CELF2: variants seen among roughly 807,000 people sequenced by gnomAD.
CELF2 encodes the protein CUG triplet repeat RNA-binding protein 2.
In CELF2, 8 loss-of-function variants were observed where a neutral mutation model predicts 62.6. That is an observed-to-expected ratio of 0.13 (90% CI 0.07 to 0.23). The LOEUF (loss-of-function observed/expected upper bound fraction) is 0.23, where lower values mean the gene tolerates loss of function less well. CELF2 is among the 10% of genes least tolerant of loss of function. The pLI is 1.00. For synonymous variants in CELF2, 258 were observed against 250.0 expected, an observed-to-expected ratio of 1.03 and a Z score of -0.30; for missense variants, 333 against 671.0, an observed-to-expected ratio of 0.50 and a Z score of 5.56.
chr10:10,588,627 T>A, the CELF2 span, among the ~76,000 whole-genome samples: 1 of 152,176 alleles, frequency 6.6e-6, no homozygotes, highest in African/African-American at 2.4e-5. Context: ...TGACTCAAGT[T>A]TGTTCCTGAT....
chr10:11,155,831 G>T (rs2064260058), intron 1 of CELF2, among the ~76,000 whole-genome samples: 1 of 152,150 alleles, frequency 6.6e-6, no homozygotes, highest in South Asian at 2.1e-4. Context: ...CACACTGCTG[G>T]CTGCCTTCCT....
At chr10:10,797,401 A>G (rs1046039290), upstream of CELF2, among the ~76,000 whole-genome samples, 1 of 152,092 alleles carries the variant, frequency 6.6e-6, no homozygotes, top group African/African-American at 2.4e-5. Context: ...AGAGAAAAAA[A>G]AAAAAGACCT....
the CELF2 span, among the ~76,000 whole-genome samples, chr10:10,683,719 A>G: frequency 1.3e-5 from 2 of 152,216 alleles, no homozygotes; most frequent in African/African-American, 4.8e-5. Context: ...TGTAATGTAG[A>G]TCATATATGA....
At chr10:10,946,762 G>A (rs966159793) in intron 2 of CELF2, 1 of 152,156 alleles carries the variant, frequency 6.6e-6, no homozygotes, top group Non-Finnish European at 1.5e-5. Context: ...GAGGTATAGA[G>A]AAGTATGAAC....
At chr10:11,038,118 G>A (rs925814252) in intron 1 of CELF2, among the ~76,000 whole-genome samples, 1 of 152,182 alleles carries the variant, frequency 6.6e-6, no homozygotes, top group Non-Finnish European at 1.5e-5. Context: ...GCTGAAGCTC[G>A]CATGAGAAAT....
the CELF2 span, among the ~76,000 whole-genome samples, chr10:10,719,794 G>A: frequency 6.6e-6 from 1 of 152,118 alleles, no homozygotes; most frequent in African/African-American, 2.4e-5. Context: ...GCTCAATAGA[G>A]GTAAAACCAT....
intron 2 of CELF2, among the ~76,000 whole-genome samples, chr10:10,942,909 T>A (rs1198507262): frequency 6.6e-6 from 1 of 152,218 alleles, no homozygotes; most frequent in East Asian, 1.9e-4. Flanking sequence ...ATTTCTTGGA[T>A]AATTGGCAAC....
rs2096041433 is a variant in CELF2 at position 11,332,292 on chromosome 10, GTTTTGT to G, written c.*3242_*3247del. The G allele has an allele frequency of 6.6e-6, 1 of 152,138 alleles. No individual in the cohort carries two copies. Among genetic ancestry groups the G allele is most frequent in the African/African-American group, 2.4e-5 (1 of 41,422 alleles). The allele number at this position is 152,138 out of a possible 1,614,324, so 9.4% of individuals were successfully genotyped here. A position where few individuals can be genotyped will look rare whatever the true frequency, so the allele number is the denominator to read the frequency against. On this transcript the variant is annotated 3_prime_UTR_variant, in exon 13 of 13. Coordinates refer to ENST00000633077, the MANE Select transcript of CELF2 (RefSeq NM_001326342.2). ...TTGTGGCAGGACAGTCTCTTGAGGG[GTTTTGT>G]TTCTGTTTCCTAAATACTCCTAAAT...
chr10:10,717,518 A>G, the CELF2 span, among the ~76,000 whole-genome samples: 1 of 152,188 alleles, frequency 6.6e-6, no homozygotes, highest in Non-Finnish European at 1.5e-5. Flanking sequence ...ATAAATTTAT[A>G]TTTAGTTCTC....
intron 2 of CELF2, among the ~76,000 whole-genome samples, chr10:11,174,253 A>G (rs1596614981): frequency 6.6e-6 from 1 of 152,190 alleles, no homozygotes; most frequent in African/African-American, 2.4e-5. Context: ...AATCACATAG[A>G]CAAACACACA....
chr10:11,265,148 A>G (rs2081850343), intron 5 of CELF2, among the ~76,000 whole-genome samples: 1 of 152,234 alleles, frequency 6.6e-6, no homozygotes, highest in African/African-American at 2.4e-5. Flanking sequence ...AAAAGAAGAA[A>G]ATATATTTTA....
intron 1 of CELF2, among the ~76,000 whole-genome samples, chr10:11,106,444 C>T (rs1376056106): frequency 6.6e-6 from 1 of 152,136 alleles, no homozygotes; most frequent in Non-Finnish European, 1.5e-5. Flanking sequence ...GCCATGTTGG[C>T]CAGGCTGGTC....
chr10:11,015,222 C>T (rs2057084044), upstream of CELF2, among the ~76,000 whole-genome samples: 1 of 152,028 alleles, frequency 6.6e-6, no homozygotes, highest in Non-Finnish European at 1.5e-5. This position sits in a 1 kb window ranked among gnomAD's most constrained non-coding sequence, Gnocchi z 4.8. Context: ...TTCTTCTTTC[C>T]AAAGCAGTGA....
intron 1 of CELF2, among the ~76,000 whole-genome samples, chr10:11,121,095 C>T (rs1450533823): frequency 2.0e-5 from 3 of 152,218 alleles, no homozygotes; most frequent in Non-Finnish European, 2.9e-5. Context: ...ATATCTTGCC[C>T]GAGAAGTTTA....
chr10:10,745,785 T>C, the CELF2 span, among the ~76,000 whole-genome samples: 1 of 152,244 alleles, frequency 6.6e-6, no homozygotes, highest in Non-Finnish European at 1.5e-5. Flanking sequence ...AATGTAGGTA[T>C]CTCTGGGTAA....
chr10:11,136,635 A>G (rs769633722), intron 1 of CELF2, among the ~76,000 whole-genome samples: 2 of 152,172 alleles, frequency 1.3e-5, no homozygotes, highest in Non-Finnish European at 2.9e-5. Context: ...ATAAATAAAT[A>G]TAAAGAAAAA....
At chr10:11,126,938 G>A (rs2131668017) in intron 1 of CELF2, among the ~76,000 whole-genome samples, 1 of 151,076 alleles carries the variant, frequency 6.6e-6, no homozygotes, top group Admixed American at 6.6e-5. Flanking sequence ...GGGTACATGT[G>A]CACAATGTGC....
At chr10:11,263,044 T>G (rs751433045) in intron 5 of CELF2, among the ~76,000 whole-genome samples, 6 of 145,176 alleles carry the variant, frequency 4.1e-5, no homozygotes, top group Non-Finnish European at 9.0e-5. Context: ...AGTTAAGATA[T>G]CCTTTCAATT....
chr10:11,318,853 G>C lies in CELF2; in HGVS notation c.1097-2336G>C, dbSNP rs933436667. ...TCTGGCACTCTGGAGAAGCCGAGTCGTGGAGGCTGCACATCGCAGGAAGGA... is the reference window on the plus strand; with the variant it reads ...TCTGGCACTCTGGAGAAGCCGAGTCCTGGAGGCTGCACATCGCAGGAAGGA... On this transcript the variant is annotated intron_variant, in intron 10 of 12. Transcript: ENST00000633077. The surrounding 1 kb of genome is among the most constrained non-coding windows in gnomAD (Gnocchi z 5.4). 6.4e-6 allele frequency: 3 copies of C among 471,112 alleles called. No homozygotes were observed. Among genetic ancestry groups the C allele is most frequent in the African/African-American group, 2.0e-5 (1 of 50,064 alleles). The allele number at this position is 471,112 out of a possible 1,614,324, so 29.2% of individuals were successfully genotyped here. A position where few individuals can be genotyped will look rare whatever the true frequency, so the allele number is the denominator to read the frequency against.
Sources: gnomAD v4.1 joint callset for allele counts (sites outside exome capture counted in the v4.1 genomes callset) on GRCh38, gnomAD v4.1.1 for gene constraint, Gnocchi (gnomAD v3.1) non-coding constraint, MANE v1.5 for transcripts, NCBI Gene and HGNC (gene_info 2026-07-23, HGNC 2026-07-21) for gene names.